Variants in PLPPR1 observed in about 807,000 individuals in gnomAD.
The protein encoded by PLPPR1 is phospholipid phosphatase-related protein type 1.
Under a neutral mutation model 33.1 loss-of-function variants are expected in PLPPR1, and 10 were observed. That is an observed-to-expected ratio of 0.30 (90% CI 0.19 to 0.51). The LOEUF (loss-of-function observed/expected upper bound fraction) is 0.51, where lower values mean the gene tolerates loss of function less well. Among genes scored for constraint, PLPPR1 ranks in the 20% least tolerant of loss-of-function variants. The probability of loss-of-function intolerance (pLI) is 0.97; values close to 1 mark genes in which losing one functional copy is unlikely to be tolerated. For missense variants in PLPPR1, 304 were observed against 408.1 expected, an observed-to-expected ratio of 0.74 and a Z score of 2.20; for synonymous variants, 151 against 151.0, an observed-to-expected ratio of 1.00 and a Z score of 0.00.
chr9:101,233,281 C>A (rs1201121993), intron 2 of PLPPR1, among the ~76,000 whole-genome samples: 1 of 151,954 alleles, frequency 6.6e-6, no homozygotes. Flanking sequence ...GGCCATTCTT[C>A]ATTTACTTCT....
chr9:101,277,035 A>G (rs1233385944), intron 3 of PLPPR1, among the ~76,000 whole-genome samples: 1 of 152,224 alleles, frequency 6.6e-6, no homozygotes, highest in Non-Finnish European at 1.5e-5. Context: ...ACTCATCAGG[A>G]AAGATTAAAG....
At chr9:101,221,619 C>T (rs1826941413) in intron 2 of PLPPR1, among the ~76,000 whole-genome samples, 1 of 152,098 alleles carries the variant, frequency 6.6e-6, no homozygotes, top group African/African-American at 2.4e-5. Flanking sequence ...CTACAACCAC[C>T]CTGAGGTAGG....
chr9:101,220,887 T>A (rs976602737), intron 2 of PLPPR1, among the ~76,000 whole-genome samples: 4 of 152,210 alleles, frequency 2.6e-5, no homozygotes, highest in African/African-American at 7.2e-5. Context: ...TCAAACGATA[T>A]AGCCAAAAGT....
chr9:101,160,455 C>A (rs937963557), intron 1 of PLPPR1, among the ~76,000 whole-genome samples: 1 of 152,070 alleles, frequency 6.6e-6, no homozygotes, highest in African/African-American at 2.4e-5. Context: ...TTTTATTATT[C>A]TTTGATCAAA....
chr9:101,295,963 A>C (rs1157905534), intron 4 of PLPPR1, among the ~76,000 whole-genome samples: 4 of 149,894 alleles, frequency 2.7e-5, no homozygotes, highest in East Asian at 2.0e-4. Flanking sequence ...GGATCTAATT[A>C]AACTAAAGAG....
rs568542361 is a variant in PLPPR1, at chr9:101,288,768, G to A, written c.385+2532G>A. Among the ~76,000 whole-genome samples the A allele has an allele frequency of 3.3e-5, 5 of 152,260 alleles. No individual in the cohort carries two copies. In the South Asian group the frequency reaches 8.3e-4, roughly 25 times the overall value. ...AGTCTGATTATTTGTGTTTTCGCAAGTCATCCAGGTGATTCTGATGCATGG... is the reference window on the plus strand; with the variant it reads ...AGTCTGATTATTTGTGTTTTCGCAAATCATCCAGGTGATTCTGATGCATGG... On this transcript the variant is annotated intron_variant, in intron 4 of 7. Coordinates refer to ENST00000374874, the MANE Select transcript of PLPPR1 (RefSeq NM_207299.2).
At chr9:101,231,512 T>A (rs1827186710) in intron 2 of PLPPR1, among the ~76,000 whole-genome samples, 1 of 152,056 alleles carries the variant, frequency 6.6e-6, no homozygotes, top group Non-Finnish European at 1.5e-5. Context: ...CATTGTTTTT[T>A]AAAATGTCTT....
intron 1 of PLPPR1, among the ~76,000 whole-genome samples, chr9:101,100,427 A>G (rs1424985959): frequency 1.3e-5 from 2 of 152,100 alleles, no homozygotes; most frequent in Non-Finnish European, 2.9e-5. Context: ...ATTTGTGAAA[A>G]AAACCTAAGA....
At chr9:101,119,336 C>T (rs1400558258) in intron 1 of PLPPR1, among the ~76,000 whole-genome samples, 2 of 152,194 alleles carry the variant, frequency 1.3e-5, no homozygotes, top group African/African-American at 4.8e-5. Flanking sequence ...CTGGGAGATG[C>T]TTCAAGAGTA....
chr9:101,140,470 T>C (rs1831436258), intron 1 of PLPPR1, among the ~76,000 whole-genome samples: 1 of 152,166 alleles, frequency 6.6e-6, no homozygotes, highest in African/African-American at 2.4e-5. Flanking sequence ...TTTACACGTA[T>C]TGGCAAGTGG....
At chr9:101,306,874 T>G (rs1347035485) in intron 4 of PLPPR1, among the ~76,000 whole-genome samples, 2 of 152,202 alleles carry the variant, frequency 1.3e-5, no homozygotes, top group Admixed American at 6.5e-5. Context: ...GTTTTTAGCT[T>G]CTGAGGCTTG....
At chr9:101,158,199 T>G (rs1467873845) in intron 1 of PLPPR1, among the ~76,000 whole-genome samples, 1 of 152,058 alleles carries the variant, frequency 6.6e-6, no homozygotes, top group Non-Finnish European at 1.5e-5. Context: ...GAAGCCAGAT[T>G]GCAATTAGTA....
At chr9:101,058,595 G>T (rs1336758996) in intron 1 of PLPPR1, among the ~76,000 whole-genome samples, 2 of 152,134 alleles carry the variant, frequency 1.3e-5, no homozygotes, top group Non-Finnish European at 2.9e-5. Context: ...ACTGTTAATT[G>T]TGATATAGGC....
intron 3 of PLPPR1, among the ~76,000 whole-genome samples, chr9:101,276,253 C>A (rs1462260650): frequency 2.0e-5 from 3 of 151,608 alleles, no homozygotes; most frequent in Non-Finnish European, 4.4e-5. Context: ...ACAACATTTT[C>A]TTTGTTGCTA....
At chr9:101,301,020 C>T (rs28489693) in intron 4 of PLPPR1, among the ~76,000 whole-genome samples, 23,260 of 152,180 alleles carry the variant, frequency 0.15, 2,715 homozygotes, top group African/African-American at 0.32. Context: ...TGTTAAGAAG[C>T]AGAGTAATTT....
chr9:101,254,017 T>C (rs1238912672), intron 2 of PLPPR1, among the ~76,000 whole-genome samples: 1 of 152,064 alleles, frequency 6.6e-6, no homozygotes, highest in Non-Finnish European at 1.5e-5. Flanking sequence ...TAGAACATAA[T>C]GATTAAGAGT....
intron 2 of PLPPR1, among the ~76,000 whole-genome samples, chr9:101,260,491 G>T (rs1174021826): frequency 6.6e-6 from 1 of 152,126 alleles, no homozygotes; most frequent in African/African-American, 2.4e-5. Context: ...TAAGACTTTG[G>T]CAACTGACCA....
intron 2 of PLPPR1, among the ~76,000 whole-genome samples, chr9:101,262,987 C>T (rs2118883106): frequency 6.6e-6 from 1 of 152,058 alleles, no homozygotes; most frequent in East Asian, 1.9e-4. Context: ...TGGAACATCG[C>T]ACACCAGGGC....
chr9:101,192,543 A>T (rs1279305424), intron 2 of PLPPR1, among the ~76,000 whole-genome samples: 1 of 152,176 alleles, frequency 6.6e-6, no homozygotes, highest in African/African-American at 2.4e-5. Context: ...GGGGAAAAAA[A>T]ACGTGGCTGT....
Sources: gnomAD v4.1 joint callset for allele counts (sites outside exome capture counted in the v4.1 genomes callset) on GRCh38, gnomAD v4.1.1 for gene constraint, MANE v1.5 for transcripts, NCBI Gene and HGNC (gene_info 2026-07-23, HGNC 2026-07-21) for gene names.